The following PGBD2 variants were observed in gnomAD, a reference collection of about 807,000 sequenced individuals.
The protein encoded by PGBD2 is piggyBac transposable element-derived protein 2.
In PGBD2, 6 loss-of-function variants were observed where a neutral mutation model predicts 8.1. That is an observed-to-expected ratio of 0.74 (90% CI 0.40 to 1.46). The LOEUF (loss-of-function observed/expected upper bound fraction) is 1.46. PGBD2 is among the 40% of genes most tolerant of loss of function. The pLI is 0.02. For missense variants in PGBD2, 802 were observed against 739.0 expected (o/e 1.09, Z -0.99); for synonymous variants, 318 against 272.2 (o/e 1.17, Z -1.66).
the PGBD2 span, among the ~76,000 whole-genome samples, chr1:248,893,433 G>T: frequency 1.3e-5 from 2 of 152,100 alleles, no homozygotes; most frequent in African/African-American, 4.8e-5. Flanking sequence ...TTATATGTTT[G>T]ACTATTTTAA....
At chr1:248,912,520 C>G (rs1661931822) in intron 1 of PGBD2, among the ~76,000 whole-genome samples, 1 of 152,150 alleles carries the variant, frequency 6.6e-6, no homozygotes, top group South Asian at 2.1e-4. Context: ...ATGCTTAAAA[C>G]AGTACTCTGC....
Position 248,916,728 on chromosome 1 carries a change from C to G in PGBD2, c.144C>G (p.Asp48Glu), listed in dbSNP as rs768028178. ...AAGAGATTTTCATTGCACCTCCCGA[C>G]AATGCTGCGGGGGAATTCACTGATG... is the stretch of plus-strand genomic sequence containing the variant. Reference protein sequence around the residue: ...NREEIFIAPPDNAAGEFTDED... With the variant: ...NREEIFIAPPENAAGEFTDED... The change falls in exon 3 of 3, where the codon GAC becomes GAG. Residue 48 changes from aspartate (D) to glutamate (E), a missense_variant. Coordinates refer to ENST00000329291, the MANE Select transcript of PGBD2 (RefSeq NM_170725.3). The G allele has an allele frequency of 2.5e-6, 4 of 1,614,152 alleles. No homozygotes were observed. Among genetic ancestry groups the G allele is most frequent in the Non-Finnish European group, 3.4e-6 (4 of 1,180,028 alleles).
the PGBD2 span, among the ~76,000 whole-genome samples, chr1:248,873,929 T>A: frequency 3.3e-5 from 5 of 152,206 alleles, no homozygotes; most frequent in Admixed American, 3.3e-4. Flanking sequence ...GGTCTCCGGA[T>A]GGAGGCGTGG....
chr1:248,877,090 T>C, the PGBD2 span, among the ~76,000 whole-genome samples: 5,885 of 152,210 alleles, frequency 0.039, 376 homozygotes, highest in African/African-American at 0.13. Flanking sequence ...TAAAACAATA[T>C]TTGTATCCAG....
chr1:248,894,580 G>A, the PGBD2 span, among the ~76,000 whole-genome samples: 1 of 151,992 alleles, frequency 6.6e-6, no homozygotes, highest in Non-Finnish European at 1.5e-5. Flanking sequence ...TGTATGCATG[G>A]GTACCTTTGC....
the PGBD2 span, among the ~76,000 whole-genome samples, chr1:248,873,880 C>T: frequency 5.9e-5 from 9 of 152,156 alleles, no homozygotes; most frequent in African/African-American, 1.4e-4. Context: ...TGGTCTAAGG[C>T]GCCAGACTCA....
chr1:248,907,342 ATC>A (rs1455940162), intron 1 of PGBD2, among the ~76,000 whole-genome samples: 1 of 152,212 alleles, frequency 6.6e-6, no homozygotes, highest in East Asian at 1.9e-4. Context: ...TTTTTCTCCT[ATC>A]TCAGAATTGA....
At chr1:248,913,775 A>T in intron 1 of PGBD2, 41 bp from the exon 2 acceptor site, 1 of 1,049,472 alleles carries the variant, frequency 9.5e-7, no homozygotes, top group Non-Finnish European at 1.5e-6. Context: ...TTGCTTCTTA[A>T]GATACAATTT....
At chr1:248,875,867 C>T in the PGBD2 span, among the ~76,000 whole-genome samples, 3 of 152,168 alleles carry the variant, frequency 2.0e-5, no homozygotes, top group Admixed American at 2.0e-4. Context: ...CAAATTGCTA[C>T]AAATATTTAT....
At chr1:248,899,802 A>G in the PGBD2 span, among the ~76,000 whole-genome samples, 3 of 151,588 alleles carry the variant, frequency 2.0e-5, no homozygotes, top group African/African-American at 7.3e-5. Context: ...TTTGGGAAAA[A>G]AAAAAAAAAG....
the PGBD2 span, among the ~76,000 whole-genome samples, chr1:248,897,849 G>A: frequency 6.6e-6 from 1 of 152,222 alleles, no homozygotes; most frequent in Non-Finnish European, 1.5e-5. Context: ...CCTGGGGAAA[G>A]GGGCAGCTGC....
At chr1:248,929,451 C>T in the PGBD2 span, among the ~76,000 whole-genome samples, 13 of 152,238 alleles carry the variant, frequency 8.5e-5, no homozygotes, top group African/African-American at 2.9e-4. Flanking sequence ...AGGCTGGCAC[C>T]CCTTTGACTC....
At chr1:248,892,821 G>A in the PGBD2 span, among the ~76,000 whole-genome samples, 2 of 152,156 alleles carry the variant, frequency 1.3e-5, no homozygotes, top group African/African-American at 4.8e-5. Context: ...CTTTGGATGG[G>A]TTGGAGACTC....
chr1:248,894,302 G>C, the PGBD2 span, among the ~76,000 whole-genome samples: 1 of 151,636 alleles, frequency 6.6e-6, no homozygotes, highest in African/African-American at 2.4e-5. Flanking sequence ...TTTTTTGCCT[G>C]TCTTTTTGCT....
the PGBD2 span, among the ~76,000 whole-genome samples, chr1:248,875,504 T>G: frequency 6.6e-6 from 1 of 152,162 alleles, no homozygotes. Context: ...TACAGCTGCT[T>G]TTAGTTTTTA....
chr1:248,889,268 C>T, the PGBD2 span, among the ~76,000 whole-genome samples: 1 of 152,062 alleles, frequency 6.6e-6, no homozygotes, highest in Non-Finnish European at 1.5e-5. Context: ...GCCTGTAATC[C>T]TAGCTACTCA....
the PGBD2 span, among the ~76,000 whole-genome samples, chr1:248,890,021 G>A: frequency 2.7e-5 from 4 of 148,700 alleles, no homozygotes; most frequent in Non-Finnish European, 4.5e-5. Flanking sequence ...TCCACCTCCC[G>A]GGTTCAAGTG....
downstream of PGBD2, among the ~76,000 whole-genome samples, chr1:248,921,460 G>T (rs1187140775): frequency 2.0e-5 from 3 of 152,118 alleles, no homozygotes; most frequent in African/African-American, 7.2e-5. Context: ...TGTGGATGTT[G>T]TTTCTGAGGT....
At chr1:248,874,903 GAGATAGATAGATAGATAGAT>G in the PGBD2 span, among the ~76,000 whole-genome samples, 113 of 145,422 alleles carry the variant, frequency 7.8e-4, 1 homozygote, top group African/African-American at 2.0e-3. Context: ...TAGGTAGATA[GAGATAGATAGATAGATAGAT>G]AGATAGATAG....
Sources: gnomAD v4.1 joint callset for allele counts (sites outside exome capture counted in the v4.1 genomes callset) on GRCh38, gnomAD v4.1.1 for gene constraint, MANE v1.5 for transcripts, NCBI Gene and HGNC (gene_info 2026-07-23, HGNC 2026-07-21) for gene names.